The following RRAS2 variants were observed in gnomAD, a reference collection of about 807,000 sequenced individuals.
The protein encoded by RRAS2 is ras-related protein R-Ras2.
In RRAS2, 7 loss-of-function variants were observed where a neutral mutation model predicts 27.6. The ratio of observed to expected loss-of-function variants is 0.25; its 90% CI spans 0.14 to 0.48. The LOEUF is 0.48. Among genes scored for constraint, RRAS2 ranks in the 20% least tolerant of loss-of-function variants. RRAS2 has a pLI of 0.99. For missense variants in RRAS2, 178 were observed against 256.2 expected (o/e 0.69, Z 2.08); for synonymous variants, 86 against 90.9 (o/e 0.95, Z 0.31).
At chr11:14,356,973 A>C (rs768497526) in intron 1 of RRAS2, among the ~76,000 whole-genome samples, 149 of 152,024 alleles carry the variant, frequency 9.8e-4, no homozygotes, top group Middle Eastern at 6.8e-3. Flanking sequence ...TTTTTAGTAG[A>C]GACGGGGTTT....
intron 1 of RRAS2, among the ~76,000 whole-genome samples, chr11:14,356,506 T>C (rs965301769): frequency 6.6e-6 from 1 of 152,204 alleles, no homozygotes; most frequent in African/African-American, 2.4e-5. Context: ...ATAAAAGTTA[T>C]AAAGAATGTG....
Position 14,358,938 on chromosome 11 carries a change from G to C in RRAS2, c.-68C>G. 1.7e-6 allele frequency: 2 copies of C among 1,187,706 alleles called. No individual in the cohort carries two copies. The highest frequency in any genetic ancestry group is 2.1e-6 in the Non-Finnish European group (2 of 959,158). 73.6% of individuals were successfully genotyped at this position (1,187,706 alleles called of 1,614,324 possible). ...TGCCGCCCGCCCTAGGCCCGGCTCCGGGGACGTGTGCGGCCGGCGGGCTGC... is the reference window on the plus strand; with the variant it reads ...TGCCGCCCGCCCTAGGCCCGGCTCCCGGGACGTGTGCGGCCGGCGGGCTGC... On this transcript the variant is annotated 5_prime_UTR_variant, in exon 1 of 6. Coordinates refer to ENST00000256196, the MANE Select transcript of RRAS2 (RefSeq NM_012250.6). This position sits in a 1 kb window ranked among gnomAD's most constrained non-coding sequence, Gnocchi z 5.1.
At chr11:14,321,566 A>T (rs1554950289) in intron 1 of RRAS2, among the ~76,000 whole-genome samples, 1 of 152,194 alleles carries the variant, frequency 6.6e-6, no homozygotes, top group Non-Finnish European at 1.5e-5. Context: ...AGACCACTTT[A>T]GCCTACCTAT....
chr11:14,302,069 CACAT>C (rs1368035578), intron 1 of RRAS2, among the ~76,000 whole-genome samples: 3 of 103,044 alleles, frequency 2.9e-5, no homozygotes, highest in Admixed American at 1.3e-4. Flanking sequence ...ATGTACCACA[CACAT>C]ACACACACAC....
chr11:14,325,454 C>T (rs1366735692), intron 1 of RRAS2, among the ~76,000 whole-genome samples: 1 of 151,990 alleles, frequency 6.6e-6, no homozygotes, highest in African/African-American at 2.4e-5. Context: ...CAGGCGCCTG[C>T]CACGACGCCT....
chr11:14,329,373 C>CA lies in RRAS2; in HGVS notation c.108+29389dup, dbSNP rs570718695. On this transcript the variant is annotated intron_variant, in intron 1 of 5. Coordinates refer to ENST00000256196, the MANE Select transcript of RRAS2 (RefSeq NM_012250.6). ...AAGTGATCCACCCGCCTCAGCTTCC[C>CA]AAAGTGCTAAGATTACAGGCACAAG... is the stretch of plus-strand genomic sequence containing the variant. Among the ~76,000 whole-genome samples the CA allele has an allele frequency of 2.0e-5, 3 of 152,280 alleles. No homozygotes were observed. In the South Asian group the frequency reaches 6.2e-4, roughly 32 times the overall value.
At chr11:14,279,912 T>TG (rs782707979) in intron 5 of RRAS2, among the ~76,000 whole-genome samples, 1 of 152,326 alleles carries the variant, frequency 6.6e-6, no homozygotes, top group Non-Finnish European at 1.5e-5. Flanking sequence ...TTAAAGATCT[T>TG]GTGATGTTAG....
chr11:14,327,667 A>G (rs1848391299), intron 1 of RRAS2, among the ~76,000 whole-genome samples: 1 of 152,226 alleles, frequency 6.6e-6, no homozygotes, highest in Non-Finnish European at 1.5e-5. Flanking sequence ...TTGACACAAC[A>G]TAACCCAAAC....
chr11:14,356,778 T>A (rs1849083464), intron 1 of RRAS2: 1 of 450,054 alleles, frequency 2.2e-6, no homozygotes, highest in Admixed American at 2.4e-5. Flanking sequence ...TTCTATAAAT[T>A]ATTAGGAAAA....
At chr11:14,353,566 T>C (rs1346235840) in intron 1 of RRAS2, among the ~76,000 whole-genome samples, 4 of 150,394 alleles carry the variant, frequency 2.7e-5, no homozygotes, top group South Asian at 2.1e-4. Flanking sequence ...CACTGCACTC[T>C]AGCCTGAACA....
At chr11:14,317,575 C>T (rs1554949709) in intron 1 of RRAS2, among the ~76,000 whole-genome samples, 2 of 152,158 alleles carry the variant, frequency 1.3e-5, no homozygotes, top group African/African-American at 4.8e-5. Flanking sequence ...AGCGAAACTC[C>T]ATCCCAAAAT....
chr11:14,343,874 T>G (rs979299120), intron 1 of RRAS2, among the ~76,000 whole-genome samples: 2 of 150,816 alleles, frequency 1.3e-5, no homozygotes, highest in African/African-American at 4.9e-5. Flanking sequence ...AAAAATAAAG[T>G]AGTCCCCTGT....
At chr11:14,302,065 CACACACAT>C (rs1320595555) in intron 1 of RRAS2, among the ~76,000 whole-genome samples, 18 of 83,998 alleles carry the variant, frequency 2.1e-4, no homozygotes, top group African/African-American at 5.2e-4. Context: ...GTAAATGTAC[CACACACAT>C]ACACACACAC....
intron 1 of RRAS2, among the ~76,000 whole-genome samples, chr11:14,357,703 T>C (rs951839521): frequency 6.6e-6 from 1 of 152,116 alleles, no homozygotes; most frequent in Non-Finnish European, 1.5e-5. Context: ...TAATGACAAA[T>C]GGGTGAAAAG....
intron 1 of RRAS2, among the ~76,000 whole-genome samples, chr11:14,353,035 G>A (rs1169867210): frequency 1.4e-4 from 21 of 152,028 alleles, no homozygotes; most frequent in Non-Finnish European, 3.1e-4. Context: ...CTGACTTCAA[G>A]TGATCCGCCC....
intron 5 of RRAS2, among the ~76,000 whole-genome samples, chr11:14,279,780 G>A (rs893229182): frequency 6.6e-6 from 1 of 152,166 alleles, no homozygotes; most frequent in Non-Finnish European, 1.5e-5. Context: ...AGGTATGCAG[G>A]TCTTATCTGT....
chr11:14,359,827 G>A (rs1030280588), upstream of RRAS2, among the ~76,000 whole-genome samples: 2 of 152,308 alleles, frequency 1.3e-5, no homozygotes, highest in Middle Eastern at 3.4e-3. Flanking sequence ...TCCCGCCTCG[G>A]CCTCCCAAAG....
intron 1 of RRAS2, among the ~76,000 whole-genome samples, chr11:14,300,325 G>C (rs1200250082): frequency 6.6e-6 from 1 of 152,188 alleles, no homozygotes; most frequent in Non-Finnish European, 1.5e-5. Flanking sequence ...GAGATGTGGA[G>C]AAACATTTAG....
intron 5 of RRAS2, among the ~76,000 whole-genome samples, chr11:14,281,031 T>C (rs782427635): frequency 2.6e-5 from 4 of 152,164 alleles, no homozygotes; most frequent in Admixed American, 6.5e-5. Flanking sequence ...GTGTGGGACA[T>C]TATACTTCAC....
Sources: gnomAD v4.1 joint callset for allele counts (sites outside exome capture counted in the v4.1 genomes callset) on GRCh38, gnomAD v4.1.1 for gene constraint, Gnocchi (gnomAD v3.1) non-coding constraint, MANE v1.5 for transcripts, NCBI Gene and HGNC (gene_info 2026-07-23, HGNC 2026-07-21) for gene names.